The following RTTN variants were observed in gnomAD, a reference collection of about 807,000 sequenced individuals.
The protein encoded by RTTN is rotatin.
Under a neutral mutation model 269.2 loss-of-function variants are expected in RTTN, and 182 were observed. The ratio of observed to expected loss-of-function variants is 0.68; its 90% confidence interval spans 0.60 to 0.76. The LOEUF (loss-of-function observed/expected upper bound fraction) is 0.76. RTTN is among the 30% of genes least tolerant of loss of function. RTTN has a pLI of 0.00. For synonymous variants in RTTN, 1,006 were observed against 963.5 expected, an observed-to-expected ratio of 1.04 and a Z score of -0.82; for missense variants, 2,545 against 2,608.6, an observed-to-expected ratio of 0.98 and a Z score of 0.53.
In RTTN at chr18:70,128,422, G is replaced by T; in HGVS notation, c.3079C>A (p.Leu1027Met). The T allele has an allele frequency of 6.2e-7, 1 of 1,613,288 alleles. No homozygotes were observed. Among genetic ancestry groups the T allele is most frequent in the Non-Finnish European group, 8.5e-7 (1 of 1,179,526 alleles). The change falls in exon 24 of 49, where the codon CTG becomes ATG. Residue 1027 changes from leucine to methionine, a missense_variant. Physicochemically the swap from Leu to Met is conservative, Grantham distance 15 (BLOSUM62 2). Coordinates refer to ENST00000640769, the MANE Select transcript of RTTN (RefSeq NM_173630.4). ...TTATCACTCCCATGATACCATGACA[G>T]GTTCCAAGCTATTCTCAGCATATCT... ...VSDMLRIAWN[L>M]SWYHGSDNLL...
chr18:70,166,508 C>T lies in RTTN; in HGVS notation c.1803-320G>A, dbSNP rs116391038. 1,505 of 213,172 alleles carry T rather than the reference C, an allele frequency of 7.1e-3. 21 individuals are homozygous for T. Among genetic ancestry groups the T allele is most frequent in the African/African-American group, 0.03 (1,328 of 43,596 alleles). The allele number at this position is 213,172 out of a possible 1,614,324, so 13.2% of individuals were successfully genotyped here. A position where few individuals can be genotyped will look rare whatever the true frequency, so the allele number is the denominator to read the frequency against. On this transcript the variant is annotated intron_variant, in intron 13 of 48. Coordinates refer to ENST00000640769, the MANE Select transcript of RTTN (RefSeq NM_173630.4). The stretch of plus-strand genomic sequence containing the variant: ...CTAAATAGAAATTTGCTGATGTCCT[C>T]AAAATAAATTAACCAATACACAGTC...
chr18:70,018,747 A>G (rs138939231), intron 45 of RTTN, among the ~76,000 whole-genome samples: 11 of 150,940 alleles, frequency 7.3e-5, no homozygotes, highest in African/African-American at 2.4e-4. Context: ...TTTAGATTCA[A>G]CCCTTGCTGG....
chr18:70,022,153 T>C (rs567243877), intron 44 of RTTN, among the ~76,000 whole-genome samples: 1 of 152,268 alleles, frequency 6.6e-6, no homozygotes, highest in African/African-American at 2.4e-5. Context: ...TGTGTTTACT[T>C]TCCTTCCTCT....
chr18:70,142,204 G>A, intron 19 of RTTN, 84 bp downstream of exon 19: 1 of 855,426 alleles, frequency 1.2e-6, no homozygotes, highest in Non-Finnish European at 1.9e-6. Flanking sequence ...ATAAACCATA[G>A]TTGCCAACTC....
chr18:70,147,614 T>C (rs964573653), intron 17 of RTTN, among the ~76,000 whole-genome samples: 8 of 152,220 alleles, frequency 5.3e-5, no homozygotes, highest in African/African-American at 1.4e-4. Flanking sequence ...CCTGTCTACA[T>C]GGAGTTTATG....
chr18:70,121,176 C>A (rs1336581270), intron 26 of RTTN, among the ~76,000 whole-genome samples: 3 of 152,080 alleles, frequency 2.0e-5, no homozygotes, highest in East Asian at 1.9e-4. Context: ...ATCTTTATAA[C>A]TGCACCATCA....
chr18:70,040,252 T>C (rs2057300297), intron 40 of RTTN, among the ~76,000 whole-genome samples: 1 of 150,740 alleles, frequency 6.6e-6, no homozygotes, highest in South Asian at 2.1e-4. Context: ...AATAAAAATA[T>C]ATACAGACTG....
intron 1 of RTTN, 60 bp from the exon 2 acceptor site, chr18:70,205,375 A>G: frequency 6.3e-7 from 1 of 1,592,066 alleles, no homozygotes; most frequent in Non-Finnish European, 8.6e-7. Flanking sequence ...TACGTTATTT[A>G]TGCTGTGGGC....
At chr18:70,114,363 A>C (rs2059549531) in intron 27 of RTTN, 82 bp downstream of exon 27, 2 of 1,203,552 alleles carry the variant, frequency 1.7e-6, no homozygotes, top group African/African-American at 3.1e-5. Context: ...ATTTGAAAGA[A>C]GTACAAAGTA....
chr18:70,114,694 C>T (rs2059559982), intron 26 of RTTN, 95 bp from the exon 27 acceptor site: 1 of 1,001,792 alleles, frequency 1.0e-6, no homozygotes, highest in African/African-American at 1.6e-5. Context: ...CTAGTAAGAG[C>T]TATATTACCT....
At chr18:70,017,897 T>C (rs1215804461) in intron 45 of RTTN, among the ~76,000 whole-genome samples, 1 of 152,196 alleles carries the variant, frequency 6.6e-6, no homozygotes, top group Non-Finnish European at 1.5e-5. Context: ...AATTATTTCC[T>C]CATGATGGAT....
chr18:70,074,217 T>TCAGCCC (rs1371649521), intron 33 of RTTN, among the ~76,000 whole-genome samples: 1 of 151,938 alleles, frequency 6.6e-6, no homozygotes, highest in African/African-American at 2.4e-5. Flanking sequence ...AGCAGCTGCT[T>TCAGCCC]CAGCCCCAGC....
chr18:70,112,095 AAGCAAATGCTGAG>A (rs2059483411), intron 27 of RTTN, among the ~76,000 whole-genome samples: 1 of 152,182 alleles, frequency 6.6e-6, no homozygotes, highest in Admixed American at 6.5e-5. Context: ...TTTTACAGAC[AAGCAAATGCTGAG>A]AGATTTTGTC....
At chr18:70,042,625 C>T (rs963906559) in intron 40 of RTTN, among the ~76,000 whole-genome samples, 1 of 151,838 alleles carries the variant, frequency 6.6e-6, no homozygotes, top group African/African-American at 2.4e-5. Flanking sequence ...ATCCGCCCGC[C>T]TCAGCCTCCC....
At chr18:70,192,639 C>T (rs541222588) in intron 8 of RTTN, among the ~76,000 whole-genome samples, 113 of 144,720 alleles carry the variant, frequency 7.8e-4, no homozygotes, top group African/African-American at 2.8e-3. Flanking sequence ...CACTGCACTC[C>T]AGCCTAGGCA....
intron 39 of RTTN, 112 bp downstream of exon 39, chr18:70,051,299 T>C: frequency 8.0e-7 from 1 of 1,250,512 alleles, no homozygotes; most frequent in East Asian, 2.6e-5. Flanking sequence ...ACCTCTTTTA[T>C]ATGCCATGCT....
At chr18:70,066,805 T>C (rs1436371870) in intron 34 of RTTN, among the ~76,000 whole-genome samples, 1 of 152,208 alleles carries the variant, frequency 6.6e-6, no homozygotes, top group East Asian at 1.9e-4. Context: ...TAGAGTACCT[T>C]AGAATTACCA....
chr18:70,167,014 T>G lies in RTTN; in HGVS notation c.1707A>C (p.Leu569Phe). ...DIGKEGEKNL[L>F]ELVELADQAL... ...CTTGGTCTGCCAGCTCCACTAATTC[T>G]AAGAGATTCTTCTCTCCCTACAAAA... The change falls in exon 13 of 49, where the codon TTA becomes TTC. Residue 569 changes from leucine to phenylalanine, a missense_variant. Coordinates refer to ENST00000640769, the MANE Select transcript of RTTN (RefSeq NM_173630.4). The G allele has an allele frequency of 3.1e-6, 5 of 1,611,050 alleles. No individual in the cohort carries two copies. Among genetic ancestry groups the G allele is most frequent in the Non-Finnish European group, 4.2e-6 (5 of 1,177,496 alleles).
At chr18:70,129,812 G>A (rs1165846644) in intron 23 of RTTN, 1 of 151,866 alleles carries the variant, frequency 6.6e-6, no homozygotes, top group African/African-American at 2.4e-5. Flanking sequence ...GCATAGCAAA[G>A]GAAACAGTCA....
Sources: gnomAD v4.1 joint callset for allele counts (sites outside exome capture counted in the v4.1 genomes callset) on GRCh38, gnomAD v4.1.1 for gene constraint, MANE v1.5 for transcripts, NCBI Gene and HGNC (gene_info 2026-07-23, HGNC 2026-07-21) for gene names.